Variants in CCDC73 observed in about 807,000 individuals in gnomAD.
The protein encoded by CCDC73 is coiled-coil domain-containing protein 73.
CCDC73 carries 95 observed loss-of-function variants against 116.5 expected under a neutral mutation model. The observed-to-expected ratio is 0.82, with a 90% CI of 0.69 to 0.97. The LOEUF (loss-of-function observed/expected upper bound fraction) is 0.97. CCDC73 is among the 50% of genes least tolerant of loss of function. The pLI is 0.00. For synonymous variants in CCDC73, 398 were observed against 401.3 expected (o/e 0.99, Z 0.10); for missense variants, 1,066 against 1,206.8 (o/e 0.88, Z 1.73).
At chr11:32,741,639 C>T (rs899318105) in intron 2 of CCDC73, among the ~76,000 whole-genome samples, 10 of 151,142 alleles carry the variant, frequency 6.6e-5, no homozygotes, top group Admixed American at 2.0e-4. Context: ...TATTCAGCCA[C>T]GCTACATGTT....
chr11:32,828,910 A>AAG, the CCDC73 span, among the ~76,000 whole-genome samples: 1 of 152,228 alleles, frequency 6.6e-6, no homozygotes, highest in East Asian at 1.9e-4. Context: ...TCAAGATTTC[A>AAG]AGATAATTAC....
intron 1 of CCDC73, among the ~76,000 whole-genome samples, chr11:32,762,967 G>A (rs2419761): frequency 0.58 from 88,588 of 152,004 alleles, 26,141 homozygotes; most frequent in East Asian, 0.84. Flanking sequence ...CGCCTGGCTC[G>A]GAGGGTCCCA....
In CCDC73 at chr11:32,698,777, T is replaced by C. The variant is rs538095695; in HGVS notation, c.390+474A>G. 5.9e-5 allele frequency among the ~76,000 whole-genome samples: 9 copies of C among 152,310 alleles called. No homozygotes were observed. In the East Asian group the frequency reaches 1.7e-3, roughly 29 times the overall value. ...GTGTTTGCACATAGTAGACCCTCAATATATATTGAATGAATCATCATTAGT... is the reference window on the plus strand; with the variant it reads ...GTGTTTGCACATAGTAGACCCTCAACATATATTGAATGAATCATCATTAGT... On this transcript the variant is annotated intron_variant, in intron 6 of 17. Transcript: ENST00000335185.
At chr11:32,779,191 G>C (rs1230920919) in intron 1 of CCDC73, among the ~76,000 whole-genome samples, 2 of 147,454 alleles carry the variant, frequency 1.4e-5, no homozygotes, top group Non-Finnish European at 3.0e-5. Flanking sequence ...GTGAAGAGTA[G>C]CTTTGTCCAC....
At chr11:32,625,941 A>C (rs1382166466) in intron 14 of CCDC73, among the ~76,000 whole-genome samples, 1 of 139,654 alleles carries the variant, frequency 7.2e-6, no homozygotes, top group East Asian at 1.9e-4. Flanking sequence ...GCCCTCTCTC[A>C]CCGTTCCTAT....
the CCDC73 span, among the ~76,000 whole-genome samples, chr11:32,826,653 A>AC: frequency 4.5e-5 from 6 of 132,590 alleles, no homozygotes; most frequent in Non-Finnish European, 8.0e-5. Flanking sequence ...ACTCAAAAAA[A>AC]AAAAAACAAA....
At chr11:32,755,931 A>G (rs1400409635) in intron 2 of CCDC73, among the ~76,000 whole-genome samples, 11 of 16,564 alleles carry the variant, frequency 6.6e-4, no homozygotes, top group Admixed American at 5.8e-3. Context: ...ATATATCTAT[A>G]TATATATCTC....
At chr11:32,603,332 G>A in intron 17 of CCDC73, 1 of 236,456 alleles carries the variant, frequency 4.2e-6, no homozygotes, top group East Asian at 8.5e-5. Flanking sequence ...TTTGGAAGTT[G>A]GCATGTTTTC....
chr11:32,802,298 G>T, the CCDC73 span, among the ~76,000 whole-genome samples: 3 of 152,044 alleles, frequency 2.0e-5, no homozygotes, highest in Admixed American at 1.3e-4. Flanking sequence ...TATCATGAAG[G>T]CATGACCAAA....
chr11:32,814,284 C>T, the CCDC73 span, among the ~76,000 whole-genome samples: 1 of 152,116 alleles, frequency 6.6e-6, no homozygotes, highest in Non-Finnish European at 1.5e-5. Flanking sequence ...CATTGACGGG[C>T]CCTACTAATT....
At chr11:32,697,352 A>C (rs1856320766) in intron 6 of CCDC73, among the ~76,000 whole-genome samples, 1 of 152,030 alleles carries the variant, frequency 6.6e-6, no homozygotes, top group Admixed American at 6.6e-5. Flanking sequence ...TCAATAACAT[A>C]AGCTAATATA....
chr11:32,805,640 A>C, the CCDC73 span, among the ~76,000 whole-genome samples: 1 of 152,212 alleles, frequency 6.6e-6, no homozygotes, highest in Non-Finnish European at 1.5e-5. Context: ...TTTATCTACC[A>C]TACAAATTGA....
At chr11:32,727,507 C>T (rs1218161603) in intron 2 of CCDC73, among the ~76,000 whole-genome samples, 2 of 152,148 alleles carry the variant, frequency 1.3e-5, no homozygotes, top group Admixed American at 1.3e-4. Flanking sequence ...TATGTAACTA[C>T]CTTGTTTCTC....
intron 2 of CCDC73, among the ~76,000 whole-genome samples, chr11:32,742,880 C>T (rs1179327923): frequency 6.6e-6 from 1 of 152,138 alleles, no homozygotes; most frequent in Non-Finnish European, 1.5e-5. Context: ...ATATGGCTAG[C>T]CAGTTTTCCC....
At chr11:32,692,912 T>C (rs1338020663) in intron 6 of CCDC73, among the ~76,000 whole-genome samples, 1 of 152,232 alleles carries the variant, frequency 6.6e-6, no homozygotes, top group African/African-American at 2.4e-5. Flanking sequence ...CTAAGCATAC[T>C]GTTTTCATAA....
chr11:32,777,265 C>T lies in CCDC73; in HGVS notation c.-15-17007G>A, dbSNP rs1408631186. Among the ~76,000 whole-genome samples, 5 of 151,254 alleles carry T rather than the reference C, an allele frequency of 3.3e-5. No homozygotes were observed. The East Asian group carries it at 5.8e-4, about 18-fold the overall frequency. On this transcript the variant is annotated intron_variant, in intron 1 of 17. Coordinates refer to ENST00000335185, the MANE Select transcript of CCDC73 (RefSeq NM_001008391.4). ...GGACACAGGCATGTGCCACCACACC[C>T]GGCTAATTTTTGTATTTTTAGTAAA...
At chr11:32,740,595 G>T (rs895088086) in intron 2 of CCDC73, among the ~76,000 whole-genome samples, 7 of 151,570 alleles carry the variant, frequency 4.6e-5, no homozygotes, top group Non-Finnish European at 1.5e-5. Context: ...TTCTTAGTCT[G>T]GATAACAGTT....
At chr11:32,703,356 G>A (rs1385245273) in intron 3 of CCDC73, among the ~76,000 whole-genome samples, 1 of 151,836 alleles carries the variant, frequency 6.6e-6, no homozygotes, top group East Asian at 1.9e-4. Flanking sequence ...CAAAATGCTA[G>A]GATTACAGGC....
intron 9 of CCDC73, among the ~76,000 whole-genome samples, chr11:32,666,068 T>C (rs1411836072): frequency 2.6e-5 from 4 of 152,184 alleles, no homozygotes; most frequent in Non-Finnish European, 4.4e-5. Flanking sequence ...GGTAACCTGA[T>C]GTTTCTCTCT....
Sources: gnomAD v4.1 joint callset for allele counts (sites outside exome capture counted in the v4.1 genomes callset) on GRCh38, gnomAD v4.1.1 for gene constraint, MANE v1.5 for transcripts, NCBI Gene and HGNC (gene_info 2026-07-23, HGNC 2026-07-21) for gene names.